NUBPL: variants seen among roughly 807,000 people sequenced by gnomAD.
The protein encoded by NUBPL is iron-sulfur cluster transfer protein NUBPL.
NUBPL carries 31 observed loss-of-function variants against 45.7 expected under a neutral mutation model. That is an observed-to-expected ratio of 0.68 (90% CI 0.51 to 0.92). NUBPL has a LOEUF of 0.92. NUBPL is among the 40% of genes least tolerant of loss of function. The pLI is 0.00. For missense variants in NUBPL, 401 were observed against 398.7 expected, an observed-to-expected ratio of 1.01 and a Z score of -0.05; for synonymous variants, 144 against 140.9, an observed-to-expected ratio of 1.02 and a Z score of -0.15.
At chr14:31,633,851 G>T (rs1000124366) in intron 4 of NUBPL, among the ~76,000 whole-genome samples, 2 of 152,004 alleles carry the variant, frequency 1.3e-5, no homozygotes, top group Non-Finnish European at 2.9e-5. Flanking sequence ...AACAACTTTA[G>T]GTCTTTAGCT....
chr14:31,806,048 A>G (rs185485580), intron 7 of NUBPL, among the ~76,000 whole-genome samples: 13 of 152,356 alleles, frequency 8.5e-5, no homozygotes, highest in African/African-American at 2.6e-4. Flanking sequence ...AAATTCATTA[A>G]ACATTTATAT....
At position 31,584,321 on chromosome 14, in the gene NUBPL, T is replaced by C. The variant is rs752557344; in HGVS notation, c.292-14968T>C. 2.6e-4 allele frequency among the ~76,000 whole-genome samples: 39 copies of C among 152,186 alleles called. 1 individual carries two copies. Among genetic ancestry groups the C allele is most frequent in the Middle Eastern group, 6.8e-3 (2 of 294 alleles). On this transcript the variant is annotated intron_variant, in intron 3 of 10. Transcript: ENST00000281081. ...TTAATTTTTTGTAGAGATGGGTTCTTATTATATTGCCAAGGCTGGTCTTTA... is the reference window on the plus strand; with the variant it reads ...TTAATTTTTTGTAGAGATGGGTTCTCATTATATTGCCAAGGCTGGTCTTTA...
chr14:31,646,746 A>G (rs1383413259), intron 4 of NUBPL, among the ~76,000 whole-genome samples: 3 of 151,716 alleles, frequency 2.0e-5, no homozygotes, highest in Non-Finnish European at 2.9e-5. Flanking sequence ...ATGGATATTT[A>G]TATCTTTGTA....
At chr14:31,821,445 A>G (rs2040017048) in intron 7 of NUBPL, among the ~76,000 whole-genome samples, 1 of 152,242 alleles carries the variant, frequency 6.6e-6, no homozygotes, top group Non-Finnish European at 1.5e-5. Flanking sequence ...GGTGCTCAGA[A>G]TCATTGATAA....
intron 3 of NUBPL, among the ~76,000 whole-genome samples, chr14:31,586,426 A>G (rs150350022): frequency 1.3e-3 from 194 of 152,250 alleles, no homozygotes; most frequent in African/African-American, 4.4e-3. Context: ...AGGTTGAAGG[A>G]ACTATGTAAG....
At chr14:31,788,928 G>A (rs751216492) in intron 7 of NUBPL, among the ~76,000 whole-genome samples, 3 of 152,192 alleles carry the variant, frequency 2.0e-5, no homozygotes, top group Non-Finnish European at 4.4e-5. Flanking sequence ...TAGCATTTAA[G>A]TATTTTTTAG....
intron 4 of NUBPL, among the ~76,000 whole-genome samples, chr14:31,672,468 T>G (rs1190114997): frequency 6.6e-6 from 1 of 152,170 alleles, no homozygotes; most frequent in Admixed American, 6.5e-5. Context: ...TTATTGAGGT[T>G]ATTTATTTTT....
intron 6 of NUBPL, among the ~76,000 whole-genome samples, chr14:31,772,178 A>T (rs562227917): frequency 6.6e-6 from 1 of 152,358 alleles, no homozygotes; most frequent in East Asian, 1.9e-4. Context: ...GGAGTGCTAC[A>T]CATCTAAATA....
At chr14:31,601,838 T>C (rs1220188653) in intron 4 of NUBPL, among the ~76,000 whole-genome samples, 6 of 152,158 alleles carry the variant, frequency 3.9e-5, no homozygotes, top group Non-Finnish European at 8.8e-5. Context: ...TGGCGATTCC[T>C]CAGGGATCTA....
intron 6 of NUBPL, among the ~76,000 whole-genome samples, chr14:31,728,491 A>G (rs1421627670): frequency 6.6e-6 from 1 of 152,130 alleles, no homozygotes; most frequent in Non-Finnish European, 1.5e-5. Flanking sequence ...CGCATTAAGT[A>G]TTTTGTTAGA....
At chr14:31,623,774 GA>G (rs2035132281) in intron 4 of NUBPL, among the ~76,000 whole-genome samples, 2 of 152,314 alleles carry the variant, frequency 1.3e-5, no homozygotes, top group African/African-American at 2.4e-5. Context: ...GCAATCAAGG[GA>G]GGGGGAATAG....
intron 6 of NUBPL, among the ~76,000 whole-genome samples, chr14:31,761,575 C>T (rs542884982): frequency 4.0e-4 from 61 of 152,230 alleles, no homozygotes; most frequent in African/African-American, 1.4e-3. Flanking sequence ...TGTGTGTTTA[C>T]CTCAGTATAG....
chr14:31,716,149 T>C (rs1462431958), intron 6 of NUBPL, among the ~76,000 whole-genome samples: 14 of 152,240 alleles, frequency 9.2e-5, no homozygotes. Flanking sequence ...GACAGTAACA[T>C]GCATGAAGCT....
chr14:31,631,537 T>A (rs2035343958), intron 4 of NUBPL, among the ~76,000 whole-genome samples: 2 of 148,312 alleles, frequency 1.3e-5, no homozygotes, highest in South Asian at 4.3e-4. Context: ...TTGGCTCACA[T>A]AATTATGGAG....
chr14:31,622,340 G>A (rs116603908), intron 4 of NUBPL, among the ~76,000 whole-genome samples: 221 of 152,286 alleles, frequency 1.5e-3, no homozygotes, highest in Middle Eastern at 0.014. Flanking sequence ...ATTGCAGCCT[G>A]ACCATACGGT....
chr14:31,630,632 T>C (rs958537630), intron 4 of NUBPL, among the ~76,000 whole-genome samples: 2 of 152,228 alleles, frequency 1.3e-5, no homozygotes, highest in Non-Finnish European at 2.9e-5. Context: ...GCATTTAAGT[T>C]ACCTGGAATC....
chr14:31,831,572 A>G (rs2040194267), intron 8 of NUBPL, among the ~76,000 whole-genome samples: 1 of 151,880 alleles, frequency 6.6e-6, no homozygotes, highest in South Asian at 2.1e-4. Flanking sequence ...TGCCTGGAAG[A>G]TGTAGTTTCT....
chr14:31,611,517 A>G (rs905769126), intron 4 of NUBPL, among the ~76,000 whole-genome samples: 1 of 152,204 alleles, frequency 6.6e-6, no homozygotes, highest in Non-Finnish European at 1.5e-5. Flanking sequence ...TACAGATTCA[A>G]TGCAATCCCT....
chr14:31,590,778 C>T (rs2034121213), intron 3 of NUBPL, among the ~76,000 whole-genome samples: 1 of 152,160 alleles, frequency 6.6e-6, no homozygotes, highest in Admixed American at 6.5e-5. Flanking sequence ...CTGTAAGCAT[C>T]TTCTGCATTT....
Sources: allele counts gnomAD v4.1 joint callset (sites outside exome capture counted in the v4.1 genomes callset), GRCh38; gene constraint gnomAD v4.1.1; transcripts MANE v1.5; gene names NCBI Gene and HGNC (gene_info 2026-07-23, HGNC 2026-07-21).